Variants in CLIP2 observed in about 807,000 individuals in gnomAD.
The protein encoded by CLIP2 is CAP-Gly domain-containing linker protein 2.
CLIP2 carries 41 observed loss-of-function variants against 111.7 expected under a neutral mutation model. The observed-to-expected ratio is 0.37, with a 90% confidence interval of 0.29 to 0.48. The LOEUF is 0.48. Among genes scored for constraint, CLIP2 ranks in the 20% least tolerant of loss-of-function variants. CLIP2 has a pLI of 0.99. For synonymous variants in CLIP2, 660 were observed against 644.2 expected, an observed-to-expected ratio of 1.02 and a Z score of -0.37; for missense variants, 1,160 against 1,422.1, an observed-to-expected ratio of 0.82 and a Z score of 2.96.
intron 8 of CLIP2, among the ~76,000 whole-genome samples, chr7:74,366,867 C>A (rs1790480338): frequency 7.8e-6 from 1 of 128,074 alleles, no homozygotes; most frequent in Non-Finnish European, 1.6e-5. Context: ...CAGAGTGAGA[C>A]TCCTTCTCAA....
chr7:74,299,531 C>A (rs1456077853), intron 1 of CLIP2, among the ~76,000 whole-genome samples: 3 of 152,102 alleles, frequency 2.0e-5, no homozygotes, highest in African/African-American at 7.2e-5. Flanking sequence ...GCCACCACAC[C>A]CTGGAGTGGA....
intron 1 of CLIP2, among the ~76,000 whole-genome samples, chr7:74,295,725 C>T (rs1264812169): frequency 6.6e-6 from 1 of 152,116 alleles, no homozygotes; most frequent in Non-Finnish European, 1.5e-5. Flanking sequence ...GAAAATTAGG[C>T]CAGGCATCAG....
intron 1 of CLIP2, among the ~76,000 whole-genome samples, chr7:74,301,073 C>G (rs1161033177): frequency 6.6e-6 from 1 of 152,288 alleles, no homozygotes; most frequent in African/African-American, 2.4e-5. Context: ...TCCCTTTCCT[C>G]CACATCCTCT....
intron 8 of CLIP2, among the ~76,000 whole-genome samples, chr7:74,367,749 C>G (rs187671285): frequency 6.6e-5 from 10 of 152,272 alleles, no homozygotes; most frequent in Admixed American, 2.6e-4. Flanking sequence ...ACACCACCCC[C>G]CTTACGGTTC....
intron 13 of CLIP2, among the ~76,000 whole-genome samples, chr7:74,394,028 A>C (rs547033560): frequency 6.6e-6 from 1 of 152,190 alleles, no homozygotes. Flanking sequence ...CAGCCGCAGG[A>C]TGCCCCTCCG....
intron 14 of CLIP2, among the ~76,000 whole-genome samples, chr7:74,397,527 T>G (rs1297126520): frequency 1.3e-5 from 2 of 151,988 alleles, no homozygotes; most frequent in African/African-American, 4.8e-5. Context: ...AAGAGCTCCC[T>G]GTTCAGAGGA....
At position 74,400,492 on chromosome 7, in the gene CLIP2, G is replaced by A; in HGVS notation, c.3003G>A (p.Leu1001=). Residue 1001 remains leucine, a synonymous_variant, in exon 15 of 17, where the codon CTG becomes CTA. Coordinates refer to ENST00000223398, the MANE Select transcript of CLIP2 (RefSeq NM_003388.5). The part of the protein sequence containing the change: ...MSTEDALRDA[L]DQAQQVEKLM... ...CGGAGGACGCCCTGCGGGATGCGCT[G>A]GACCAGGCTCAGCAGGTGGAGAAGC... The A allele has an allele frequency of 6.2e-7, 1 of 1,613,156 alleles. No homozygotes were observed. Among genetic ancestry groups the A allele is most frequent in the Non-Finnish European group, 8.5e-7 (1 of 1,179,488 alleles).
At chr7:74,343,049 A>G (rs529602599) in intron 3 of CLIP2, among the ~76,000 whole-genome samples, 60 of 150,346 alleles carry the variant, frequency 4.0e-4, no homozygotes, top group Non-Finnish European at 5.9e-4. Context: ...AAAAAAAAAA[A>G]TGGTGACGGG....
chr7:74,317,056 GCAAA>G (rs1425277205), intron 1 of CLIP2, among the ~76,000 whole-genome samples: 3 of 152,178 alleles, frequency 2.0e-5, no homozygotes, highest in East Asian at 3.8e-4. Context: ...GGTCTTTGTT[GCAAA>G]CAGTTTGATG....
chr7:74,305,867 C>T (rs746189480), intron 1 of CLIP2, among the ~76,000 whole-genome samples: 2 of 125,212 alleles, frequency 1.6e-5, no homozygotes, highest in Non-Finnish European at 3.3e-5. Flanking sequence ...CCCCCCCCAC[C>T]GCCCCTGCTG....
At chr7:74,296,477 T>G (rs781904526) in intron 1 of CLIP2, among the ~76,000 whole-genome samples, 14 of 147,336 alleles carry the variant, frequency 9.5e-5, no homozygotes, top group Non-Finnish European at 1.3e-4. Flanking sequence ...CACACCACAC[T>G]CCAGCCTGAG....
At chr7:74,359,132 C>A (rs1554309174) in intron 6 of CLIP2, among the ~76,000 whole-genome samples, 1 of 144,874 alleles carries the variant, frequency 6.9e-6, no homozygotes, top group South Asian at 2.2e-4. Context: ...CCCAGCTAAT[C>A]TAATTTTTGT....
chr7:74,363,337 G>A (rs560015145), intron 7 of CLIP2, among the ~76,000 whole-genome samples: 116 of 152,274 alleles, frequency 7.6e-4, no homozygotes, highest in African/African-American at 2.7e-3. Flanking sequence ...GTAAGGTGGG[G>A]TGGGCCTGTG....
In CLIP2 at chr7:74,400,676, C is replaced by T. The variant is rs532470120; in HGVS notation, c.3066+121C>T. The T allele has an allele frequency of 1.2e-5, 12 of 1,002,128 alleles. 1 individual carries two copies. Among genetic ancestry groups the T allele is most frequent in the South Asian group, 1.1e-4 (6 of 56,452 alleles). The allele number at this position is 1,002,128 out of a possible 1,614,324, so 62.1% of individuals were successfully genotyped here. ...CCCCAGTCTGAGGAGGTAGGGAGCT[C>T]GTCCCAGGAACCTGGTCTGAAGGGG... On this transcript the variant is annotated intron_variant, in intron 15 of 16. Coordinates refer to ENST00000223398, the MANE Select transcript of CLIP2 (RefSeq NM_003388.5).
chr7:74,345,442 A>G (rs1789775108), intron 3 of CLIP2, among the ~76,000 whole-genome samples: 1 of 151,896 alleles, frequency 6.6e-6, no homozygotes, highest in Non-Finnish European at 1.5e-5. Context: ...CCATGTTGCC[A>G]GGATGGTCTT....
At chr7:74,351,111 G>T (rs1269011283) in intron 3 of CLIP2, among the ~76,000 whole-genome samples, 1 of 145,518 alleles carries the variant, frequency 6.9e-6, no homozygotes, top group African/African-American at 2.5e-5. Flanking sequence ...GGGAAGGAAG[G>T]GAAGAAAGAG....
chr7:74,347,708 A>G (rs1368864799), intron 3 of CLIP2, among the ~76,000 whole-genome samples: 4 of 152,358 alleles, frequency 2.6e-5, no homozygotes, highest in South Asian at 2.1e-4. Context: ...AGAGAAGGTG[A>G]TACAGGCATT....
At chr7:74,302,279 G>A (rs229891) in intron 1 of CLIP2, among the ~76,000 whole-genome samples, 89,642 of 151,716 alleles carry the variant, frequency 0.59, 29,393 homozygotes, top group Non-Finnish European at 0.75. Flanking sequence ...GCAATGGCGC[G>A]ATATCAGCTC....
At position 74,403,978 on chromosome 7, in the gene CLIP2, C is replaced by A; in HGVS notation, c.*130C>A. On this transcript the variant is annotated 3_prime_UTR_variant, in exon 17 of 17. Coordinates refer to ENST00000223398, the MANE Select transcript of CLIP2 (RefSeq NM_003388.5). ...AAACAGTGTTTGTAACAATAACGTACTCACCGCCGCGGACAATCCCCCACC... is the reference window on the plus strand; with the variant it reads ...AAACAGTGTTTGTAACAATAACGTAATCACCGCCGCGGACAATCCCCCACC... 1 of 1,015,718 alleles carries A rather than the reference C, an allele frequency of 9.8e-7. No homozygotes were observed. Among genetic ancestry groups the A allele is most frequent in the Non-Finnish European group, 1.5e-6 (1 of 650,672 alleles). 62.9% of individuals were successfully genotyped at this position (1,015,718 alleles called of 1,614,324 possible). A position where few individuals can be genotyped will look rare whatever the true frequency, so the allele number is the denominator to read the frequency against.
Sources: allele counts gnomAD v4.1 joint callset (sites outside exome capture counted in the v4.1 genomes callset), GRCh38; gene constraint gnomAD v4.1.1; transcripts MANE v1.5; gene names NCBI Gene and HGNC (gene_info 2026-07-23, HGNC 2026-07-21).